Variants in SLC25A16 observed in about 807,000 individuals in gnomAD.
SLC25A16 encodes the protein solute carrier family 25 member 16, also known as mitochondrial coenzyme A transporter SLC25A16.
SLC25A16 carries 39 observed loss-of-function variants against 41.5 expected under a neutral mutation model. That is an observed-to-expected ratio of 0.94 (90% confidence interval 0.73 to 1.23). SLC25A16 has a LOEUF of 1.23. Ranked by LOEUF, SLC25A16 falls within the 50% of genes most tolerant of loss-of-function variation. The pLI is 0.00. For synonymous variants in SLC25A16, 146 were observed against 147.8 expected, an observed-to-expected ratio of 0.99 and a Z score of 0.09; for missense variants, 421 against 426.9, an observed-to-expected ratio of 0.99 and a Z score of 0.12.
intron 3 of SLC25A16, among the ~76,000 whole-genome samples, chr10:68,505,362 AAAG>A (rs2052933832): frequency 6.6e-6 from 1 of 152,040 alleles, no homozygotes; most frequent in South Asian, 2.1e-4. Context: ...AAAGAAAAGA[AAAG>A]AAAAGAGGGA....
chr10:68,524,710 A>G (rs1329933225), intron 1 of SLC25A16, among the ~76,000 whole-genome samples: 1 of 131,404 alleles, frequency 7.6e-6, no homozygotes, highest in Non-Finnish European at 1.6e-5. Context: ...TCCATCTCAA[A>G]AAAAAAAAAA....
rs1564909298 is a variant in SLC25A16, at chr10:68,487,172, T to C, written c.814A>G (p.Thr272Ala). The stretch of plus-strand genomic sequence containing the variant: ...CACTTTTCAAATTCCGGCAGAACAG[T>C]TCCTAATTGCATTCGCCGACGAGTC... ...DVTRRRMQLG[T>A]VLPEFEKCLT... is the part of the protein sequence containing the mutation. The change falls in exon 8 of 9, where the codon ACT becomes GCT. Residue 272 changes from threonine to alanine, a missense_variant. Coordinates refer to ENST00000609923, the MANE Select transcript of SLC25A16 (RefSeq NM_152707.4). 11 of 1,613,582 alleles carry C rather than the reference T, an allele frequency of 6.8e-6. No individual in the cohort carries two copies. Among genetic ancestry groups the C allele is most frequent in the South Asian group, 1.1e-5 (1 of 91,054 alleles).
At chr10:68,517,201 G>A (rs1365550946) in intron 1 of SLC25A16, 11 of 999,084 alleles carry the variant, frequency 1.1e-5, no homozygotes, top group South Asian at 4.6e-5. Flanking sequence ...ACATTTTTAC[G>A]GAGACAGACA....
rs1375470903 is a variant in SLC25A16 at position 68,482,271 on chromosome 10, G to A, written c.*1161C>T. ...CTACAAATTACTCTTTCTGAACACA[G>A]AACTTTAAATATTCCCTTCCCATTT... On this transcript the variant is annotated 3_prime_UTR_variant, in exon 9 of 9. Transcript: ENST00000609923. 2 of 149,606 alleles carry A rather than the reference G, an allele frequency of 1.3e-5. No individual in the cohort carries two copies. Among genetic ancestry groups the A allele is most frequent in the Non-Finnish European group, 3.0e-5 (2 of 67,658 alleles). The allele number at this position is 149,606 out of a possible 1,614,324, so 9.3% of individuals were successfully genotyped here. A position where few individuals can be genotyped will look rare whatever the true frequency, so the allele number is the denominator to read the frequency against.
In SLC25A16 at chr10:68,487,219, G is replaced by A. The variant is rs7915381; in HGVS notation, c.774-7C>T. 1,149 of 1,611,658 alleles carry A rather than the reference G, an allele frequency of 7.1e-4. 13 individuals carry two copies. In the African/African-American group the frequency reaches 0.014, roughly 19 times the overall value. ...AGTCACATCAAATGGGTAGCTAAAA[G>A]AAGAAAAAGGCATAAAGAATTAAAA... is the stretch of plus-strand genomic sequence containing the variant. On this transcript the variant is annotated splice_region_variant and splice_polypyrimidine_tract_variant and intron_variant, in intron 7 of 8. Coordinates refer to ENST00000609923, the MANE Select transcript of SLC25A16 (RefSeq NM_152707.4).
chr10:68,482,446 TG>T lies in SLC25A16; in HGVS notation c.*985del, dbSNP rs1486759762. The T allele has an allele frequency of 6.6e-6, 1 of 152,614 alleles. No individual in the cohort carries two copies. Among genetic ancestry groups the T allele is most frequent in the Non-Finnish European group, 1.5e-5 (1 of 68,030 alleles). The allele number at this position is 152,614 out of a possible 1,614,324, so 9.5% of individuals were successfully genotyped here. ...CATATTGCACTAAAATTATTTTACA[TG>T]GAAGAACTAGTTGATGCATCATAAT... On this transcript the variant is annotated 3_prime_UTR_variant, in exon 9 of 9. Coordinates refer to ENST00000609923, the MANE Select transcript of SLC25A16 (RefSeq NM_152707.4).
intron 1 of SLC25A16, among the ~76,000 whole-genome samples, chr10:68,518,795 A>C (rs567204591): frequency 8.2e-5 from 11 of 133,782 alleles, no homozygotes; most frequent in African/African-American, 3.6e-4. Context: ...TAAAATAAAT[A>C]AATAAATAAA....
Position 68,483,503 on chromosome 10 carries a change from G to A in SLC25A16, c.928C>T (p.Arg310Cys). ...LYRGLSLNYIRCIPSQAVAFT... is the reference protein window; with the variant it reads ...LYRGLSLNYICCIPSQAVAFT... Reference sequence around the variant, plus strand: ...GCCACTGCTTGAGAGGGAATACAGCGAATGTAATTAAGAGATAAACCACGA... The same window carrying A: ...GCCACTGCTTGAGAGGGAATACAGCAAATGTAATTAAGAGATAAACCACGA... The change falls in exon 9 of 9, where the codon CGC becomes TGC. Residue 310 changes from arginine to cysteine, a missense_variant. By Grantham distance (180) the Arg-to-Cys change is radical (BLOSUM62 -3). Transcript: ENST00000609923. 1 of 1,612,698 alleles carries A rather than the reference G, an allele frequency of 6.2e-7. No individual in the cohort carries two copies. The highest frequency in any genetic ancestry group is 8.5e-7 in the Non-Finnish European group (1 of 1,179,412).
chr10:68,512,638 C>CAAAAAAAAAA (rs1163431016), intron 2 of SLC25A16, among the ~76,000 whole-genome samples: 7 of 17,142 alleles, frequency 4.1e-4, no homozygotes, highest in African/African-American at 1.5e-3. Context: ...GACTCCGTCT[C>CAAAAAAAAAA]AAAAAAAAAA....
In SLC25A16 at chr10:68,483,313, C is replaced by G; in HGVS notation, c.*119G>C. ...GAAAAAATAATCAAGTACTAAAATA[C>G]CAGTGGCTCTTGTGACAGGGTAAAT... On this transcript the variant is annotated 3_prime_UTR_variant, in exon 9 of 9. Transcript: ENST00000609923. 1 of 635,502 alleles carries G rather than the reference C, an allele frequency of 1.6e-6. No homozygotes were observed. The highest frequency in any genetic ancestry group is 2.4e-5 in the South Asian group (1 of 41,166). The allele number at this position is 635,502 out of a possible 1,614,324, so 39.4% of individuals were successfully genotyped here.
rs554644934 is a variant in SLC25A16, at chr10:68,515,752, C to T, written c.223+999G>A. Among the ~76,000 whole-genome samples, 148 of 151,910 alleles carry T rather than the reference C, an allele frequency of 9.7e-4. 1 individual carries two copies. The highest frequency in any genetic ancestry group is 3.4e-3 in the African/African-American group (141 of 41,422). On this transcript the variant is annotated intron_variant, in intron 2 of 8. Coordinates refer to ENST00000609923, the MANE Select transcript of SLC25A16 (RefSeq NM_152707.4). Reference sequence around the variant, plus strand: ...GGCAGAGGTTGCAGTGAGCCGAGGTCGCGCCATTGCACTCCAGCCTGGGCA... The same window carrying T: ...GGCAGAGGTTGCAGTGAGCCGAGGTTGCGCCATTGCACTCCAGCCTGGGCA...
chr10:68,521,643 G>A (rs1383151054), intron 1 of SLC25A16, among the ~76,000 whole-genome samples: 1 of 145,992 alleles, frequency 6.8e-6, no homozygotes, highest in South Asian at 2.2e-4. Context: ...GCCCAGGCTG[G>A]AGTGCAGTGG....
At position 68,503,579 on chromosome 10, in the gene SLC25A16, A is replaced by T; in HGVS notation, c.421+53T>A. On this transcript the variant is annotated intron_variant, in intron 4 of 8. Coordinates refer to ENST00000609923, the MANE Select transcript of SLC25A16 (RefSeq NM_152707.4). Reference sequence around the variant, plus strand: ...TCATATAATCTAAACCAAATTAAATATTTTAATAGAAAATTAATTTGTCAG... The same window carrying T: ...TCATATAATCTAAACCAAATTAAATTTTTTAATAGAAAATTAATTTGTCAG... 11 of 1,179,450 alleles carry T rather than the reference A, an allele frequency of 9.3e-6. No homozygotes were observed. In the South Asian group the frequency reaches 1.5e-4, roughly 16 times the overall value. The allele number at this position is 1,179,450 out of a possible 1,614,324, so 73.1% of individuals were successfully genotyped here.
At chr10:68,483,716 G>A in intron 8 of SLC25A16, 128 bp from the exon 9 acceptor site, 1 of 677,496 alleles carries the variant, frequency 1.5e-6, no homozygotes, top group Non-Finnish European at 2.3e-6. Flanking sequence ...AGTGTGGATT[G>A]CAGTGGCATG....
At chr10:68,522,632 G>A (rs12355665) in intron 1 of SLC25A16, among the ~76,000 whole-genome samples, 3,276 of 152,042 alleles carry the variant, frequency 0.022, 48 homozygotes, top group Non-Finnish European at 0.033. Flanking sequence ...TTGCTAACAC[G>A]GTGAAACCCC....
chr10:68,504,476 C>T (rs1165567461), intron 3 of SLC25A16, among the ~76,000 whole-genome samples: 1 of 151,250 alleles, frequency 6.6e-6, no homozygotes, highest in African/African-American at 2.4e-5. Context: ...GGCTCTGTCG[C>T]CCAGGCTGGA....
At position 68,493,175 on chromosome 10, in the gene SLC25A16, G is replaced by C; in HGVS notation, c.567C>G (p.Tyr189Ter). Residue 189 changes from tyrosine (Y) to a stop codon, truncating the protein, a stop_gained, in exon 6 of 9, where the codon TAC (tyrosine) becomes TAG (stop). Coordinates refer to ENST00000609923, the MANE Select transcript of SLC25A16 (RefSeq NM_152707.4). LOFTEE classifies it high-confidence loss of function. The part of the protein sequence containing the change: ...YAKEGGFFGF[Y>*]RGLMPTILGM... ...CTAAAATAGTAGGCATCAGACCTCT[G>C]TAAAATCCAAAGAAACCACCTTCCT... 6.3e-7 allele frequency: 1 copy of C among 1,597,780 alleles called. No individual in the cohort carries two copies. The highest frequency in any genetic ancestry group is 1.8e-5 in the Admixed American group (1 of 55,086).
intron 1 of SLC25A16, chr10:68,517,401 T>A: frequency 4.1e-6 from 1 of 241,632 alleles, no homozygotes; most frequent in Non-Finnish European, 6.7e-6. Context: ...ATAAAGTGCA[T>A]ACATGGGCTT....
rs1168067123 is a variant in SLC25A16 at position 68,493,217 on chromosome 10, T to C, written c.544-19A>G. On this transcript the variant is annotated intron_variant, in intron 5 of 8. Coordinates refer to ENST00000609923, the MANE Select transcript of SLC25A16 (RefSeq NM_152707.4). ...CACCTTCCTTTTGAGTGAAGGAAAA[T>C]TGCAAGTGAGATTACATTGTGCTCA... 1.1e-5 allele frequency: 17 copies of C among 1,527,546 alleles called. No homozygotes were observed. Among genetic ancestry groups the C allele is most frequent in the South Asian group, 3.5e-5 (3 of 84,556 alleles). 94.6% of individuals were successfully genotyped at this position (1,527,546 alleles called of 1,614,324 possible). A position where few individuals can be genotyped will look rare whatever the true frequency, so the allele number is the denominator to read the frequency against.
Sources: gnomAD v4.1 joint callset for allele counts (sites outside exome capture counted in the v4.1 genomes callset) on GRCh38, gnomAD v4.1.1 for gene constraint, MANE v1.5 for transcripts, NCBI Gene and HGNC (gene_info 2026-07-23, HGNC 2026-07-21) for gene names.